SDK1: variants seen among roughly 807,000 people sequenced by gnomAD.
The protein encoded by SDK1 is sidekick cell adhesion molecule 1.
A neutral mutation model predicts 245.5 loss-of-function variants in SDK1; 157 were observed. The ratio of observed to expected loss-of-function variants is 0.64; its 90% confidence interval spans 0.56 to 0.73. The LOEUF (loss-of-function observed/expected upper bound fraction) is 0.73, where lower values mean the gene tolerates loss of function less well. Ranked by LOEUF, SDK1 falls within the 30% of genes least tolerant of loss-of-function variation. The pLI, the probability that SDK1 is intolerant of heterozygous loss-of-function variation, is 0.00. For synonymous variants in SDK1, 1,647 were observed against 1,278.5 expected (o/e 1.29, Z -6.15); for missense variants, 3,583 against 3,002.3 (o/e 1.19, Z -4.52).
intron 5 of SDK1, among the ~76,000 whole-genome samples, chr7:3,848,297 T>G (rs1041955367): frequency 6.6e-6 from 1 of 152,242 alleles, no homozygotes; most frequent in African/African-American, 2.4e-5. Flanking sequence ...TTCCTTTGTT[T>G]TGGTACCCAG....
At chr7:3,528,952 C>T (rs1349987540) in intron 1 of SDK1, among the ~76,000 whole-genome samples, 2 of 152,002 alleles carry the variant, frequency 1.3e-5, no homozygotes, top group African/African-American at 4.8e-5. Flanking sequence ...AGCAATCAGG[C>T]CAGGGTTTAA....
At position 3,534,614 on chromosome 7, in the gene SDK1, G is replaced by A. The variant is rs555194915; in HGVS notation, c.299-84466G>A. 4.8e-4 allele frequency among the ~76,000 whole-genome samples: 73 copies of A among 152,156 alleles called. 2 individuals are homozygous for A. The South Asian group carries it at 0.015, about 31-fold the overall frequency. On this transcript the variant is annotated intron_variant, in intron 1 of 44. Coordinates refer to ENST00000404826, the MANE Select transcript of SDK1 (RefSeq NM_152744.4). ...GTTGCACTGTGGCTTAGCTTTGCAT[G>A]TTACTGCTTCCTTTTTTATTTCTCT...
intron 1 of SDK1, among the ~76,000 whole-genome samples, chr7:3,369,836 G>A (rs1010937326): frequency 2.0e-5 from 3 of 152,126 alleles, no homozygotes; most frequent in Non-Finnish European, 2.9e-5. Flanking sequence ...GTAAATATGC[G>A]CATTTATGGC....
At chr7:3,700,999 G>A (rs1325652190) in intron 4 of SDK1, among the ~76,000 whole-genome samples, 2 of 152,278 alleles carry the variant, frequency 1.3e-5, no homozygotes, top group South Asian at 2.1e-4. Flanking sequence ...TGTGTCGTGC[G>A]CGTGAGCCCC....
At position 4,268,591 on chromosome 7, in the gene SDK1, G is replaced by A; in HGVS notation, c.*3207G>A. ...GTACAGGTCTTCGGAGGCCGTGTTT[G>A]TATCTAACTGTGACTGGGCTGAAGC... On this transcript the variant is annotated 3_prime_UTR_variant, in exon 45 of 45. Transcript: ENST00000404826. The A allele has an allele frequency of 2.2e-6, 3 of 1,361,214 alleles. No individual in the cohort carries two copies. Among genetic ancestry groups the A allele is most frequent in the Non-Finnish European group, 2.0e-6 (2 of 1,018,250 alleles). The allele number at this position is 1,361,214 out of a possible 1,614,324, so 84.3% of individuals were successfully genotyped here.
At chr7:4,216,387 A>G (rs915460608) in intron 38 of SDK1, among the ~76,000 whole-genome samples, 1 of 151,956 alleles carries the variant, frequency 6.6e-6, no homozygotes, top group Non-Finnish European at 1.5e-5. Context: ...GAGGGGCTGC[A>G]CTCCCGTCTG....
chr7:4,007,245 C>G (rs1029404765), intron 14 of SDK1, among the ~76,000 whole-genome samples: 2 of 152,114 alleles, frequency 1.3e-5, no homozygotes, highest in South Asian at 2.1e-4. Flanking sequence ...CCACTGTTAC[C>G]GGGGGCTGGT....
intron 35 of SDK1, among the ~76,000 whole-genome samples, chr7:4,193,934 G>A (rs941743696): frequency 1.3e-5 from 2 of 152,044 alleles, no homozygotes; most frequent in Non-Finnish European, 2.9e-5. Context: ...TGCCTCTCAC[G>A]AGCGGTGAAT....
intron 35 of SDK1, among the ~76,000 whole-genome samples, chr7:4,196,157 G>A (rs572820916): frequency 7.9e-5 from 12 of 152,282 alleles, no homozygotes; most frequent in Admixed American, 5.2e-4. Flanking sequence ...TGGGGGATGT[G>A]ACTTAACCCC....
At chr7:3,414,671 T>C (rs1276890239) in intron 1 of SDK1, among the ~76,000 whole-genome samples, 1 of 152,200 alleles carries the variant, frequency 6.6e-6, no homozygotes, top group East Asian at 1.9e-4. Flanking sequence ...TGTTCAACCA[T>C]CACCACTATC....
At chr7:3,362,332 T>C (rs1166895230) in intron 1 of SDK1, among the ~76,000 whole-genome samples, 2 of 152,222 alleles carry the variant, frequency 1.3e-5, no homozygotes, top group Non-Finnish European at 2.9e-5. Flanking sequence ...TGAAGACTTT[T>C]CTTGGAGAGG....
intron 1 of SDK1, among the ~76,000 whole-genome samples, chr7:3,498,163 C>G (rs180961159): frequency 3.3e-5 from 5 of 152,286 alleles, no homozygotes; most frequent in Admixed American, 6.5e-5. Context: ...CAGCCAACTT[C>G]TTTTCTGTGT....
intron 4 of SDK1, among the ~76,000 whole-genome samples, chr7:3,661,022 T>C (rs1783338432): frequency 6.6e-6 from 1 of 152,198 alleles, no homozygotes; most frequent in Non-Finnish European, 1.5e-5. Flanking sequence ...AAATTACTTA[T>C]GTGAAGCCTG....
In SDK1 at chr7:3,802,212, A is replaced by T. The variant is rs548028333; in HGVS notation, c.714-19238A>T. Among the ~76,000 whole-genome samples the T allele has an allele frequency of 2.9e-3, 435 of 152,216 alleles. 2 individuals carry two copies. Among genetic ancestry groups the T allele is most frequent in the African/African-American group, 9.6e-3 (397 of 41,528 alleles). On this transcript the variant is annotated intron_variant, in intron 4 of 44. Transcript: ENST00000404826. The stretch of plus-strand genomic sequence containing the variant: ...CTTTGTCATTTTACTACATGTGCAG[A>T]TGTGTGTAACTACCACTACATCCAC...
intron 32 of SDK1, among the ~76,000 whole-genome samples, chr7:4,169,810 C>A (rs561619051): frequency 6.6e-6 from 1 of 152,232 alleles, no homozygotes; most frequent in South Asian, 2.1e-4. Context: ...TCCCTCCCTG[C>A]GGGAGGGCCC....
intron 17 of SDK1, among the ~76,000 whole-genome samples, chr7:4,029,228 T>TTTGTG (rs746967075): frequency 1.8e-5 from 2 of 112,072 alleles, no homozygotes; most frequent in African/African-American, 5.0e-5. Context: ...TTTTTTTTTT[T>TTTGTG]TGTGAAGAAG....
chr7:3,474,297 T>C lies in SDK1; in HGVS notation c.299-144783T>C, dbSNP rs188782353. Among the ~76,000 whole-genome samples the C allele has an allele frequency of 3.3e-5, 5 of 150,820 alleles. No homozygotes were observed. The East Asian group carries it at 1.0e-3, about 31-fold the overall frequency. Reference sequence around the variant, plus strand: ...TTTTAGTAGAGACGGGGTTTCACCATGTTGGCCAGGATGGTCTCGGTCTCT... The same window carrying C: ...TTTTAGTAGAGACGGGGTTTCACCACGTTGGCCAGGATGGTCTCGGTCTCT... On this transcript the variant is annotated intron_variant, in intron 1 of 44. Transcript: ENST00000404826.
At chr7:3,723,778 A>G (rs1437270865) in intron 4 of SDK1, among the ~76,000 whole-genome samples, 3 of 149,574 alleles carry the variant, frequency 2.0e-5, no homozygotes, top group East Asian at 3.9e-4. Context: ...ATACACGTGT[A>G]TATACACGTA....
At chr7:4,228,531 C>T (rs906131495) in intron 40 of SDK1, among the ~76,000 whole-genome samples, 6 of 152,160 alleles carry the variant, frequency 3.9e-5, no homozygotes, top group African/African-American at 9.7e-5. Flanking sequence ...CTCTTCCAGC[C>T]GGGCATTGCT....
Sources: gnomAD v4.1 joint callset for allele counts (sites outside exome capture counted in the v4.1 genomes callset) on GRCh38, gnomAD v4.1.1 for gene constraint, MANE v1.5 for transcripts, NCBI Gene and HGNC (gene_info 2026-07-23, HGNC 2026-07-21) for gene names.